PDE11A: variants seen among roughly 807,000 people sequenced by gnomAD.
The protein encoded by PDE11A is dual 3',5'-cyclic-AMP and -GMP phosphodiesterase 11A.
PDE11A carries 100 observed loss-of-function variants against 100.5 expected under a neutral mutation model. That is an observed-to-expected ratio of 1.00 (90% CI 0.85 to 1.18). The LOEUF is 1.18. Among genes scored for constraint, PDE11A ranks in the 50% most tolerant of loss-of-function variants. The pLI is 0.00. For missense variants in PDE11A, 1,141 were observed against 1,152.6 expected (o/e 0.99, Z 0.15); for synonymous variants, 381 against 420.8 (o/e 0.91, Z 1.16).
At chr2:177,814,098 C>T (rs1327750911) in intron 9 of PDE11A, among the ~76,000 whole-genome samples, 1 of 152,054 alleles carries the variant, frequency 6.6e-6, no homozygotes, top group Non-Finnish European at 1.5e-5. Flanking sequence ...CTTTCTCTCT[C>T]AGCTCTGTTA....
At chr2:177,651,732 A>T (rs946917627) in intron 19 of PDE11A, among the ~76,000 whole-genome samples, 3 of 152,114 alleles carry the variant, frequency 2.0e-5, no homozygotes, top group Non-Finnish European at 4.4e-5. Context: ...GTAACACTAA[A>T]ACCTAAATTC....
intron 2 of PDE11A, among the ~76,000 whole-genome samples, chr2:177,979,082 A>G (rs1219069784): frequency 1.2e-5 from 1 of 84,572 alleles, no homozygotes; most frequent in Non-Finnish European, 2.6e-5. Flanking sequence ...TATAATAAAA[A>G]AAAAAAAAAA....
chr2:178,012,084 TA>T (rs1427487988), intron 2 of PDE11A: 1 of 152,184 alleles, frequency 6.6e-6, no homozygotes, highest in Non-Finnish European at 1.5e-5. Flanking sequence ...GTTGTTGAGA[TA>T]AAATACTCTC....
At chr2:177,690,608 A>G (rs760363867) in intron 15 of PDE11A, among the ~76,000 whole-genome samples, 5 of 152,262 alleles carry the variant, frequency 3.3e-5, no homozygotes, top group East Asian at 1.9e-4. Flanking sequence ...TCATCATCAG[A>G]TGCTTTCGAG....
chr2:177,770,930 G>A (rs1040248797), intron 9 of PDE11A, among the ~76,000 whole-genome samples: 1 of 152,146 alleles, frequency 6.6e-6, no homozygotes. Flanking sequence ...GAGCTCAAGC[G>A]ATTCTCTCAC....
intron 10 of PDE11A, among the ~76,000 whole-genome samples, chr2:177,751,824 A>G (rs1216739519): frequency 6.6e-6 from 1 of 152,246 alleles, no homozygotes; most frequent in Non-Finnish European, 1.5e-5. Flanking sequence ...TTTATTGAGC[A>G]TCTACAATGT....
chr2:177,630,293 T>C (rs984246633), intron 19 of PDE11A, among the ~76,000 whole-genome samples: 1 of 152,202 alleles, frequency 6.6e-6, no homozygotes, highest in Non-Finnish European at 1.5e-5. Flanking sequence ...TATTCTTTTG[T>C]GCTTAATTTT....
intron 1 of PDE11A, among the ~76,000 whole-genome samples, chr2:178,069,981 G>A (rs2087103742): frequency 6.6e-6 from 1 of 151,940 alleles, no homozygotes; most frequent in African/African-American, 2.4e-5. Context: ...TTTAGCCCAA[G>A]CATACAAAAA....
At chr2:177,863,570 T>C (rs2083979462) in intron 5 of PDE11A, among the ~76,000 whole-genome samples, 1 of 151,892 alleles carries the variant, frequency 6.6e-6, no homozygotes, top group African/African-American at 2.4e-5. Flanking sequence ...GGCCAACAGG[T>C]ACATCAAAAG....
chr2:177,791,902 GA>G (rs2082638192), intron 9 of PDE11A, among the ~76,000 whole-genome samples: 1 of 152,128 alleles, frequency 6.6e-6, no homozygotes, highest in Non-Finnish European at 1.5e-5. Flanking sequence ...TCCTTAAGGT[GA>G]AAGAAATTGC....
At chr2:177,860,667 T>C (rs1410358040) in intron 5 of PDE11A, among the ~76,000 whole-genome samples, 1 of 151,736 alleles carries the variant, frequency 6.6e-6, no homozygotes, top group Non-Finnish European at 1.5e-5. Flanking sequence ...TAGACCCTTA[T>C]AAATATAGAT....
rs575714643 is a variant in PDE11A, at chr2:178,106,957, CAAAAAAAAAA to C, written c.-14+1287_-14+1296del. On this transcript the variant is annotated intron_variant, in intron 1 of 20. Coordinates refer to the PDE11A transcript ENST00000358450. ...CCTGGGCGACAAAGCAAGACTCTCT[CAAAAAAAAAA>C]AAAAAAAAAAGGAAAAGAAAAATCA... Among the ~76,000 whole-genome samples the C allele has an allele frequency of 1.1e-4, 7 of 61,148 alleles. No individual in the cohort carries two copies. The Admixed American group carries it at 1.3e-3, about 12-fold the overall frequency. 40.1% of individuals were successfully genotyped at this position (61,148 alleles called of 152,430 possible).
chr2:178,018,989 T>C (rs1289330464), intron 1 of PDE11A, among the ~76,000 whole-genome samples: 1 of 152,260 alleles, frequency 6.6e-6, no homozygotes, highest in Non-Finnish European at 1.5e-5. Flanking sequence ...CTTTTGCATC[T>C]TCATTTACCA....
chr2:178,030,053 C>T (rs373319011), intron 1 of PDE11A, among the ~76,000 whole-genome samples: 37 of 151,972 alleles, frequency 2.4e-4, no homozygotes, highest in East Asian at 5.8e-4. Flanking sequence ...TATAAATTAC[C>T]GAGTCTATGG....
chr2:177,722,435 A>C (rs1047075356), intron 12 of PDE11A, among the ~76,000 whole-genome samples: 5 of 152,150 alleles, frequency 3.3e-5, no homozygotes, highest in Admixed American at 2.6e-4. Flanking sequence ...CCTTCTGCCC[A>C]ATTGTATGTT....
At chr2:177,981,994 A>T (rs993045559) in intron 2 of PDE11A, among the ~76,000 whole-genome samples, 1 of 151,104 alleles carries the variant, frequency 6.6e-6, no homozygotes, top group Admixed American at 6.6e-5. Context: ...AAACTGGCAC[A>T]GGCCTTTGCG....
intron 4 of PDE11A, among the ~76,000 whole-genome samples, chr2:177,890,360 A>G (rs2084510337): frequency 1.3e-5 from 2 of 152,186 alleles, no homozygotes; most frequent in Admixed American, 6.5e-5. Flanking sequence ...CTCAAGAAAC[A>G]TCCCCGAGCC....
chr2:178,077,775 T>C (rs746367951), upstream of PDE11A, among the ~76,000 whole-genome samples: 1 of 152,064 alleles, frequency 6.6e-6, no homozygotes, highest in South Asian at 2.1e-4. Context: ...TTATAATATA[T>C]GTACAAAAGA....
intron 1 of PDE11A, chr2:178,018,060 C>A (rs1316255766): frequency 1.8e-5 from 3 of 165,860 alleles, no homozygotes; most frequent in Non-Finnish European, 3.9e-5. Context: ...TTGCTTTGAA[C>A]CCCACTGGTC....
Sources: gnomAD v4.1 joint callset for allele counts (sites outside exome capture counted in the v4.1 genomes callset) on GRCh38, gnomAD v4.1.1 for gene constraint, MANE v1.5 for transcripts, NCBI Gene and HGNC (gene_info 2026-07-23, HGNC 2026-07-21) for gene names.